Variants in SLC52A3 observed in about 807,000 individuals in gnomAD.
The protein encoded by SLC52A3 is solute carrier family 52, riboflavin transporter, member 3.
SLC52A3 carries 20 observed loss-of-function variants against 29.5 expected under a neutral mutation model. That is an observed-to-expected ratio of 0.68 (90% CI 0.48 to 0.99). The LOEUF (loss-of-function observed/expected upper bound fraction) is 0.99, where lower values mean the gene tolerates loss of function less well. SLC52A3 is among the 50% of genes least tolerant of loss of function. The pLI is 0.00. For missense variants in SLC52A3, 548 were observed against 612.9 expected (o/e 0.89, Z 1.12); for synonymous variants, 301 against 271.0 (o/e 1.11, Z -1.09).
intron 1 of SLC52A3, chr20:775,896 G>A (rs1987004236): frequency 1.3e-5 from 2 of 152,480 alleles, no homozygotes; most frequent in South Asian, 4.1e-4. Flanking sequence ...CTAGCAGGCA[G>A]CCTTGGTAGC....
At chr20:769,020 G>C (rs1431374253), upstream of SLC52A3, among the ~76,000 whole-genome samples, 1 of 152,210 alleles carries the variant, frequency 6.6e-6, no homozygotes, top group Non-Finnish European at 1.5e-5. Flanking sequence ...GGTTGTTCTT[G>C]TGTGGGTGCA....
At chr20:766,507 A>C (rs1298723243) in intron 1 of SLC52A3, among the ~76,000 whole-genome samples, 1 of 152,192 alleles carries the variant, frequency 6.6e-6, no homozygotes, top group Non-Finnish European at 1.5e-5. Context: ...AGAAGTGAAA[A>C]TGGCCGGTTC....
chr20:766,703 C>G (rs6054622), intron 1 of SLC52A3, among the ~76,000 whole-genome samples: 1 of 151,976 alleles, frequency 6.6e-6, no homozygotes, highest in East Asian at 1.9e-4. Context: ...ACTCTCTTTT[C>G]GGACTCAGCC....
chr20:766,915 T>C (rs1204595035), intron 1 of SLC52A3, among the ~76,000 whole-genome samples: 5 of 152,300 alleles, frequency 3.3e-5, no homozygotes, highest in Non-Finnish European at 7.3e-5. Context: ...CATGAAAATA[T>C]TATCACCTTC....
At chr20:774,288 C>G (rs1599967417) in intron 1 of SLC52A3, among the ~76,000 whole-genome samples, 1 of 152,336 alleles carries the variant, frequency 6.6e-6, no homozygotes, top group Middle Eastern at 3.4e-3. Flanking sequence ...GGCAGCCTGA[C>G]ACTGGATACA....
chr20:760,834 GAC>G lies in SLC52A3; in HGVS notation c.*190_*191del. ...CTGAGCTGGTCGTCACAGGTAGTGT[GAC>G]ACAGAGTTGGGGATAGAGCCGCACC... On this transcript the variant is annotated 3_prime_UTR_variant, in exon 5 of 5. Transcript: ENST00000645534. The surrounding 1 kb of genome is among the most constrained non-coding windows in gnomAD (Gnocchi z 4.9). 6.5e-6 allele frequency: 4 copies of G among 613,926 alleles called. No homozygotes were observed. The allele number at this position is 613,926 out of a possible 1,614,324, so 38.0% of individuals were successfully genotyped here. A position where few individuals can be genotyped will look rare whatever the true frequency, so the allele number is the denominator to read the frequency against.
chr20:761,573 C>T (rs3746800), intron 4 of SLC52A3, 128 bp downstream of exon 4: 4 of 1,429,456 alleles, frequency 2.8e-6, no homozygotes, highest in Non-Finnish European at 2.9e-6. Flanking sequence ...GCGCTTCCCC[C>T]ACCTGGGGCT....
At chr20:762,793 T>G (rs1015997228) in intron 3 of SLC52A3, among the ~76,000 whole-genome samples, 2 of 151,260 alleles carry the variant, frequency 1.3e-5, no homozygotes, top group Admixed American at 1.3e-4. Context: ...GCTGGGAGAG[T>G]GGGTGTAAGC....
intron 1 of SLC52A3, among the ~76,000 whole-genome samples, chr20:767,359 C>CTT (rs563042314): frequency 1.4e-5 from 2 of 147,514 alleles, no homozygotes; most frequent in East Asian, 2.0e-4. Flanking sequence ...CTCTGTATAT[C>CTT]TTTTTTTTTT....
upstream of SLC52A3, among the ~76,000 whole-genome samples, chr20:779,786 G>A (rs1480409033): frequency 1.3e-5 from 2 of 152,156 alleles, no homozygotes; most frequent in African/African-American, 4.8e-5. Flanking sequence ...CTAGGTCCTA[G>A]GCTCTACATC....
chr20:772,679 A>T (rs1025900544), upstream of SLC52A3, among the ~76,000 whole-genome samples: 4 of 151,696 alleles, frequency 2.6e-5, no homozygotes, highest in Non-Finnish European at 4.4e-5. Flanking sequence ...TTTCTTGGGC[A>T]CCAACTGTGT....
intron 3 of SLC52A3, among the ~76,000 whole-genome samples, chr20:763,279 AC>A (rs1010893605): frequency 6.6e-6 from 1 of 152,204 alleles, no homozygotes; most frequent in African/African-American, 2.4e-5. Context: ...GTGGAATGTT[AC>A]ACTCCCATTT....
In SLC52A3 at chr20:763,767, C is replaced by T. The variant is rs1272640392; in HGVS notation, c.804G>A (p.Arg268=). The part of the protein sequence containing the change: ...DQVTLHSIRP[R]EENDLGPAGT... ...CTGCAGGGCCCAAGTCATTCTCTTC[C>T]CGCGGCCGGATGGAGTGGAGGGTGA... Residue 268 remains arginine, a synonymous_variant, in exon 3 of 5, where the codon CGG becomes CGA. Coordinates refer to ENST00000645534, the MANE Select transcript of SLC52A3 (RefSeq NM_033409.4). 1 of 1,614,170 alleles carries T rather than the reference C, an allele frequency of 6.2e-7. No homozygotes were observed. Among genetic ancestry groups the T allele is most frequent in the South Asian group, 1.1e-5 (1 of 91,082 alleles).
At chr20:775,648 A>T (rs1986995194) in intron 1 of SLC52A3, among the ~76,000 whole-genome samples, 1 of 151,710 alleles carries the variant, frequency 6.6e-6, no homozygotes, top group African/African-American at 2.4e-5. Context: ...GCCTGTCCCG[A>T]CTCCAACATG....
upstream of SLC52A3, among the ~76,000 whole-genome samples, chr20:778,013 CTT>C (rs71191974): frequency 0.02 from 2,695 of 134,242 alleles, 74 homozygotes; most frequent in African/African-American, 0.068. Context: ...TAGAGACTTT[CTT>C]TTTTTTTTTT....
upstream of SLC52A3, among the ~76,000 whole-genome samples, chr20:776,287 AAG>A (rs1295831079): frequency 5.3e-5 from 8 of 152,186 alleles, no homozygotes; most frequent in African/African-American, 1.9e-4. Flanking sequence ...TTCACACAGG[AAG>A]AGAGTTCCCT....
upstream of SLC52A3, among the ~76,000 whole-genome samples, chr20:778,114 CAA>C (rs1301724288): frequency 2.0e-5 from 3 of 151,234 alleles, no homozygotes; most frequent in African/African-American, 7.3e-5. Context: ...CTCCCGGGTT[CAA>C]GTGATTCTCC....
intron 3 of SLC52A3, among the ~76,000 whole-genome samples, chr20:762,245 A>G (rs1009737017): frequency 1.3e-5 from 2 of 152,158 alleles, no homozygotes; most frequent in Non-Finnish European, 2.9e-5. Context: ...ACACACCCTC[A>G]GCCTCAGCCA....
At position 765,609 on chromosome 20, in the gene SLC52A3, G is replaced by C. The variant is rs747987440; in HGVS notation, c.166C>G (p.Leu56Val). The part of the protein sequence containing the change: ...VVIQLANIGP[L>V]LVTLLHHFRP... ...AAGTGATGGAGCAGGGTGACCAGGA[G>C]GGGCCCGATGTTGGCCAGCTGGATG... Residue 56 changes from leucine to valine, a missense_variant, in exon 2 of 5, where the codon CTC becomes GTC. This residue lies in a region of SLC52A3 where 375 missense variants were observed against 471.1 expected (regional missense o/e 0.80). Coordinates refer to ENST00000645534, the MANE Select transcript of SLC52A3 (RefSeq NM_033409.4). The surrounding 1 kb of genome is among the most constrained non-coding windows in gnomAD (Gnocchi z 6.6). The C allele has an allele frequency of 6.3e-7, 1 of 1,599,018 alleles. No homozygotes were observed. The highest frequency in any genetic ancestry group is 1.3e-5 in the African/African-American group (1 of 74,806).
Sources: gnomAD v4.1 joint callset for allele counts (sites outside exome capture counted in the v4.1 genomes callset) on GRCh38, gnomAD v4.1.1 for gene constraint, gnomAD v4.1.1 regional missense constraint, Gnocchi (gnomAD v3.1) non-coding constraint, MANE v1.5 for transcripts, NCBI Gene and HGNC (gene_info 2026-07-23, HGNC 2026-07-21) for gene names.